Variants in ADAMTS6 observed in about 807,000 individuals in gnomAD.
ADAMTS6 encodes A disintegrin and metalloproteinase with thrombospondin motifs 6.
Under a neutral mutation model 144.3 loss-of-function variants are expected in ADAMTS6, and 23 were observed. The ratio of observed to expected loss-of-function variants is 0.16; its 90% confidence interval spans 0.11 to 0.23. The LOEUF (loss-of-function observed/expected upper bound fraction) is 0.23. Among genes scored for constraint, ADAMTS6 ranks in the 10% least tolerant of loss-of-function variants. ADAMTS6 has a pLI of 1.00. For missense variants in ADAMTS6, 999 were observed against 1,379.6 expected (o/e 0.72, Z 4.37); for synonymous variants, 444 against 457.5 (o/e 0.97, Z 0.38).
intron 3 of ADAMTS6, among the ~76,000 whole-genome samples, chr5:65,462,692 A>G (rs891447047): frequency 1.3e-5 from 2 of 152,208 alleles, no homozygotes; most frequent in Admixed American, 6.5e-5. Flanking sequence ...TCAAGTGCCT[A>G]TCACAAGGCA....
intron 20 of ADAMTS6, 136 bp from the exon 21 acceptor site, chr5:65,197,287 C>T (rs1755450487): frequency 3.9e-6 from 3 of 759,692 alleles, no homozygotes; most frequent in Non-Finnish European, 3.7e-6. Context: ...GACTGCTTCT[C>T]TAAAATGGAG....
chr5:65,370,224 A>G (rs985239809), intron 7 of ADAMTS6, among the ~76,000 whole-genome samples: 1 of 152,194 alleles, frequency 6.6e-6, no homozygotes, highest in Non-Finnish European at 1.5e-5. Flanking sequence ...CCTGGCCAAC[A>G]TGGTGAAATC....
chr5:65,477,231 A>C (rs1760900808), intron 1 of ADAMTS6, among the ~76,000 whole-genome samples: 1 of 152,154 alleles, frequency 6.6e-6, no homozygotes, highest in South Asian at 2.1e-4. Flanking sequence ...AGATCACTGG[A>C]GTGTTTTGAG....
chr5:65,248,646 T>TTAGCTGGG (rs57680143), intron 14 of ADAMTS6, among the ~76,000 whole-genome samples: 1 of 150,974 alleles, frequency 6.6e-6, no homozygotes, highest in Non-Finnish European at 1.5e-5. Context: ...AATACAAAAA[T>TTAGCTGGG]TATGGTGGTG....
At chr5:65,337,701 C>T (rs1323598364) in intron 7 of ADAMTS6, among the ~76,000 whole-genome samples, 2 of 152,014 alleles carry the variant, frequency 1.3e-5, no homozygotes, top group Admixed American at 1.3e-4. Flanking sequence ...ACTTCACACC[C>T]TCTTTCTTTC....
At chr5:65,302,218 A>G (rs1295567347) in intron 9 of ADAMTS6, among the ~76,000 whole-genome samples, 1 of 144,444 alleles carries the variant, frequency 6.9e-6, no homozygotes, top group Non-Finnish European at 1.5e-5. Context: ...CATATATTAT[A>G]TACTTATACA....
chr5:65,250,581 C>G (rs754805699), intron 14 of ADAMTS6, among the ~76,000 whole-genome samples: 1 of 152,112 alleles, frequency 6.6e-6, no homozygotes, highest in East Asian at 1.9e-4. Flanking sequence ...AAACCCTTTT[C>G]CTCCATATAT....
intron 7 of ADAMTS6, among the ~76,000 whole-genome samples, chr5:65,370,640 C>G (rs951236448): frequency 6.6e-6 from 1 of 152,300 alleles, no homozygotes; most frequent in East Asian, 1.9e-4. Flanking sequence ...CACGGAGTCT[C>G]GCTGATTGCT....
At chr5:65,447,137 T>C (rs372748963) in intron 7 of ADAMTS6, among the ~76,000 whole-genome samples, 4 of 152,164 alleles carry the variant, frequency 2.6e-5, no homozygotes, top group African/African-American at 9.7e-5. Context: ...TGCTAAACAT[T>C]GATGCAAATA....
chr5:65,282,090 T>C (rs2112708711), intron 11 of ADAMTS6, among the ~76,000 whole-genome samples: 1 of 152,208 alleles, frequency 6.6e-6, no homozygotes, highest in Non-Finnish European at 1.5e-5. Flanking sequence ...AATGGTGTCT[T>C]TATTGTGTCG....
chr5:65,448,245 T>C (rs961457662), intron 7 of ADAMTS6, among the ~76,000 whole-genome samples: 13 of 152,132 alleles, frequency 8.5e-5, no homozygotes, highest in African/African-American at 3.1e-4. Flanking sequence ...CAGAGTGATC[T>C]GATAGCTTTG....
intron 18 of ADAMTS6, among the ~76,000 whole-genome samples, chr5:65,220,966 T>C (rs570200310): frequency 1.3e-5 from 2 of 152,330 alleles, no homozygotes; most frequent in African/African-American, 4.8e-5. Flanking sequence ...ATATTATGCA[T>C]AATTTTATGC....
At chr5:65,444,018 T>C (rs529086594) in intron 7 of ADAMTS6, among the ~76,000 whole-genome samples, 1 of 152,310 alleles carries the variant, frequency 6.6e-6, no homozygotes, top group African/African-American at 2.4e-5. Flanking sequence ...ATAAAAGTCA[T>C]TCATTATTAA....
chr5:65,224,301 G>C lies in ADAMTS6; in HGVS notation c.2272+19C>G. On this transcript the variant is annotated intron_variant, in intron 18 of 24. Coordinates refer to ENST00000381055, the MANE Select transcript of ADAMTS6 (RefSeq NM_197941.4). Reference sequence around the variant, plus strand: ...TTTACTTTTAAAATCCAGCAAACTAGCATACCAGTCTAACATACCAATATA... The same window carrying C: ...TTTACTTTTAAAATCCAGCAAACTACCATACCAGTCTAACATACCAATATA... 1.9e-6 allele frequency: 3 copies of C among 1,604,078 alleles called. No individual in the cohort carries two copies. The highest frequency in any genetic ancestry group is 2.6e-6 in the Non-Finnish European group (3 of 1,171,192).
intron 15 of ADAMTS6, among the ~76,000 whole-genome samples, chr5:65,229,318 A>C (rs962420606): frequency 6.6e-6 from 1 of 152,108 alleles, no homozygotes; most frequent in Non-Finnish European, 1.5e-5. Context: ...TGGTAAAGAC[A>C]TTTTTCTCTG....
chr5:65,281,986 T>C (rs1420642636), intron 11 of ADAMTS6, among the ~76,000 whole-genome samples: 1 of 152,138 alleles, frequency 6.6e-6, no homozygotes. Flanking sequence ...AAATTAAAAT[T>C]AGCAGCTTAC....
chr5:65,343,602 C>T (rs1424967823), intron 7 of ADAMTS6, among the ~76,000 whole-genome samples: 2 of 151,902 alleles, frequency 1.3e-5, no homozygotes, highest in African/African-American at 4.8e-5. Flanking sequence ...TAGAAGAAAA[C>T]GTAGGGGAAA....
At chr5:65,372,433 CA>C (rs1403719856) in intron 7 of ADAMTS6, among the ~76,000 whole-genome samples, 9 of 150,660 alleles carry the variant, frequency 6.0e-5, no homozygotes, top group South Asian at 2.1e-4. Flanking sequence ...AAATGGAAAA[CA>C]AAAAAAGGCA....
At chr5:65,278,363 G>C (rs755307503) in intron 11 of ADAMTS6, among the ~76,000 whole-genome samples, 5 of 152,162 alleles carry the variant, frequency 3.3e-5, no homozygotes, top group Non-Finnish European at 5.9e-5. Flanking sequence ...GGGATTGCTA[G>C]ATCAAAAGGC....
Sources: allele counts gnomAD v4.1 joint callset (sites outside exome capture counted in the v4.1 genomes callset), GRCh38; gene constraint gnomAD v4.1.1; transcripts MANE v1.5; gene names NCBI Gene and HGNC (gene_info 2026-07-23, HGNC 2026-07-21).